NRG3: variants seen among roughly 807,000 people sequenced by gnomAD.
NRG3 encodes the protein neuregulin 3.
NRG3 carries 31 observed loss-of-function variants against 66.9 expected under a neutral mutation model. The observed-to-expected ratio is 0.46, with a 90% CI of 0.35 to 0.63. The LOEUF (loss-of-function observed/expected upper bound fraction) is 0.63, where lower values mean the gene tolerates loss of function less well. NRG3 is among the 20% of genes least tolerant of loss of function. The probability of loss-of-function intolerance (pLI) is 0.00; values close to 1 mark genes in which losing one functional copy is unlikely to be tolerated. For synonymous variants in NRG3, 393 were observed against 359.4 expected (o/e 1.09, Z -1.06); for missense variants, 910 against 878.9 (o/e 1.04, Z -0.45).
rs80218734 is a variant in NRG3, at chr10:82,511,858, G to GA, written c.953+153002dup. On this transcript the variant is annotated intron_variant, in intron 2 of 8. Coordinates refer to ENST00000372141, the MANE Select transcript of NRG3 (RefSeq NM_001010848.4). ...TGTCTACTTTATCTCCCAGTTTAGA[G>GA]AAAAAAAAAAAAGATTTCCTTCAAC... Among the ~76,000 whole-genome samples the GA allele has an allele frequency of 1.8e-3, 251 of 140,734 alleles. 1 individual carries two copies. The highest frequency in any genetic ancestry group is 2.2e-3 in the South Asian group (10 of 4,462). 92.3% of individuals were successfully genotyped at this position (140,734 alleles called of 152,430 possible). A position where few individuals can be genotyped will look rare whatever the true frequency, so the allele number is the denominator to read the frequency against.
At chr10:82,561,880 A>C (rs746188262) in intron 2 of NRG3, among the ~76,000 whole-genome samples, 1 of 152,178 alleles carries the variant, frequency 6.6e-6, no homozygotes, top group Non-Finnish European at 1.5e-5. Context: ...ATTTTTAACC[A>C]TCATAAGCCA....
intron 2 of NRG3, among the ~76,000 whole-genome samples, chr10:82,530,559 A>T (rs1847148917): frequency 6.6e-6 from 1 of 151,864 alleles, no homozygotes; most frequent in African/African-American, 2.4e-5. Flanking sequence ...TTTTTGGGAA[A>T]CTCATTTCTA....
chr10:82,690,035 C>G (rs2054802968), intron 2 of NRG3, among the ~76,000 whole-genome samples: 1 of 152,068 alleles, frequency 6.6e-6, no homozygotes, highest in Admixed American at 6.6e-5. Context: ...TTGATTCTTT[C>G]CTTGTTCATT....
At chr10:82,206,972 T>C (rs2075149867) in intron 1 of NRG3, among the ~76,000 whole-genome samples, 1 of 152,222 alleles carries the variant, frequency 6.6e-6, no homozygotes, top group Admixed American at 6.5e-5. Flanking sequence ...GGCCCTTGTC[T>C]AGTTGACTGC....
intron 1 of NRG3, among the ~76,000 whole-genome samples, chr10:82,205,903 C>G (rs1220716479): frequency 6.6e-6 from 1 of 152,078 alleles, no homozygotes; most frequent in African/African-American, 2.4e-5. Context: ...TTCTTTAATC[C>G]AAGTCAGTTC....
At chr10:82,662,704 G>A (rs1362467044) in intron 2 of NRG3, among the ~76,000 whole-genome samples, 1 of 152,054 alleles carries the variant, frequency 6.6e-6, no homozygotes, top group Non-Finnish European at 1.5e-5. Context: ...CCTCTGGGAG[G>A]GAGCATAACA....
intron 1 of NRG3, among the ~76,000 whole-genome samples, chr10:81,936,006 A>T (rs17098782): frequency 6.6e-6 from 1 of 151,652 alleles, no homozygotes; most frequent in Admixed American, 6.6e-5. Context: ...TATGTCCCCA[A>T]TTGCACAGCA....
intron 3 of NRG3, among the ~76,000 whole-genome samples, chr10:82,796,838 C>T (rs1264164143): frequency 6.6e-6 from 1 of 151,948 alleles, no homozygotes; most frequent in Non-Finnish European, 1.5e-5. Flanking sequence ...TCTTGGTCAA[C>T]TCTTATACAA....
rs543893918 is a variant in NRG3 at position 82,919,716 on chromosome 10, G to T, written c.1055-31753G>T. On this transcript the variant is annotated intron_variant, in intron 4 of 8. Transcript: ENST00000372141. The stretch of plus-strand genomic sequence containing the variant: ...CACAAATGTAGATCAGAAAGACTTG[G>T]AGTAAAATCTCTGCAACTTTACACA... Among the ~76,000 whole-genome samples, 4 of 152,228 alleles carry T rather than the reference G, an allele frequency of 2.6e-5. No homozygotes were observed. The East Asian group carries it at 7.7e-4, about 29-fold the overall frequency.
intron 2 of NRG3, among the ~76,000 whole-genome samples, chr10:82,445,504 CTG>C (rs1246183406): frequency 4.6e-5 from 7 of 152,166 alleles, no homozygotes; most frequent in Admixed American, 1.3e-4. Context: ...TAGGGGCTCT[CTG>C]TGTCTAAAAT....
chr10:82,250,968 G>C (rs930887496), intron 1 of NRG3, among the ~76,000 whole-genome samples: 10 of 152,164 alleles, frequency 6.6e-5, no homozygotes, highest in Non-Finnish European at 1.5e-4. Flanking sequence ...ACAACGTTCT[G>C]GCTTGCAAGT....
chr10:82,702,439 C>A (rs193286151), intron 2 of NRG3, among the ~76,000 whole-genome samples: 1 of 152,080 alleles, frequency 6.6e-6, no homozygotes, highest in African/African-American at 2.4e-5. Context: ...GTATTTCCCA[C>A]CAAAACAGTG....
At chr10:82,387,700 A>G (rs986110767) in intron 2 of NRG3, among the ~76,000 whole-genome samples, 3 of 152,174 alleles carry the variant, frequency 2.0e-5, no homozygotes, top group Non-Finnish European at 2.9e-5. Flanking sequence ...CTGTCCATCA[A>G]CTTCCATGGC....
At chr10:82,084,390 CA>C (rs996296187) in intron 1 of NRG3, among the ~76,000 whole-genome samples, 19 of 150,756 alleles carry the variant, frequency 1.3e-4, no homozygotes, top group African/African-American at 3.7e-4. Flanking sequence ...AGAATGTCAT[CA>C]AAAAATTTGC....
intron 1 of NRG3, among the ~76,000 whole-genome samples, chr10:82,228,623 T>C (rs1195203565): frequency 6.6e-6 from 1 of 152,174 alleles, no homozygotes; most frequent in Non-Finnish European, 1.5e-5. Flanking sequence ...TGAAATATAT[T>C]TGAACTATAA....
intron 2 of NRG3, among the ~76,000 whole-genome samples, chr10:82,586,603 G>A (rs1382914063): frequency 6.6e-6 from 1 of 152,164 alleles, no homozygotes; most frequent in Non-Finnish European, 1.5e-5. Flanking sequence ...ATGAGTAAAT[G>A]TGAAAATATT....
At chr10:82,049,704 T>C (rs865919233) in intron 1 of NRG3, among the ~76,000 whole-genome samples, 1 of 152,008 alleles carries the variant, frequency 6.6e-6, no homozygotes, top group Non-Finnish European at 1.5e-5. Flanking sequence ...TGGAGAACCC[T>C]TGGGCACTCT....
chr10:81,882,304 AT>A (rs1170594352), intron 1 of NRG3, among the ~76,000 whole-genome samples: 30 of 152,146 alleles, frequency 2.0e-4, no homozygotes, highest in Admixed American at 1.8e-3. Context: ...GAGGAGTTAG[AT>A]TAAGGAAGTG....
chr10:82,256,389 A>C (rs2077728099), intron 1 of NRG3, among the ~76,000 whole-genome samples: 1 of 152,096 alleles, frequency 6.6e-6, no homozygotes, highest in African/African-American at 2.4e-5. Context: ...TGCTTTGTAT[A>C]CTGTAGAGTG....
Sources: allele counts gnomAD v4.1 joint callset (sites outside exome capture counted in the v4.1 genomes callset), GRCh38; gene constraint gnomAD v4.1.1; transcripts MANE v1.5; gene names NCBI Gene and HGNC (gene_info 2026-07-23, HGNC 2026-07-21).